Variants in ACTR3B observed in about 807,000 individuals in gnomAD.
ACTR3B encodes the protein actin related protein 3B.
A neutral mutation model predicts 59.0 loss-of-function variants in ACTR3B; 8 were observed. The ratio of observed to expected loss-of-function variants is 0.14; its 90% CI spans 0.08 to 0.24. ACTR3B has a LOEUF of 0.24. Ranked by LOEUF, ACTR3B falls within the 10% of genes least tolerant of loss-of-function variation. The pLI is 1.00. For missense variants in ACTR3B, 245 were observed against 552.3 expected (o/e 0.44, Z 5.58); for synonymous variants, 148 against 197.9 (o/e 0.75, Z 2.12).
At chr7:152,803,223 T>C (rs1408435617) in intron 4 of ACTR3B, among the ~76,000 whole-genome samples, 3 of 152,046 alleles carry the variant, frequency 2.0e-5, no homozygotes, top group Admixed American at 6.6e-5. Context: ...TTTTAAAAAT[T>C]TTTTTGTGGA....
intron 1 of ACTR3B, 25 bp downstream of exon 1, chr7:152,759,951 C>A: frequency 1.5e-6 from 2 of 1,347,094 alleles, no homozygotes; most frequent in South Asian, 3.4e-5. Flanking sequence ...GCGCCCACCC[C>A]CGCTCCTCCG....
chr7:152,769,846 T>G (rs2098119870), intron 1 of ACTR3B, among the ~76,000 whole-genome samples: 1 of 150,604 alleles, frequency 6.6e-6, no homozygotes. Context: ...TCTCTCCCTT[T>G]CTCCGTTTCA....
intron 9 of ACTR3B, among the ~76,000 whole-genome samples, chr7:152,849,638 G>A (rs1413124170): frequency 1.3e-5 from 2 of 152,194 alleles, no homozygotes; most frequent in Non-Finnish European, 2.9e-5. Context: ...AAAAGGTCCT[G>A]TGCATAATGT....
intron 4 of ACTR3B, chr7:152,813,413 G>A (rs1795428762): frequency 6.6e-6 from 1 of 152,092 alleles, no homozygotes; most frequent in East Asian, 1.9e-4. Flanking sequence ...TCTGTTGTCT[G>A]TCATTTTGTC....
chr7:152,786,969 T>C (rs1590248069), intron 2 of ACTR3B, among the ~76,000 whole-genome samples: 1 of 152,220 alleles, frequency 6.6e-6, no homozygotes, highest in Non-Finnish European at 1.5e-5. Context: ...TTTTCACAGT[T>C]CTCTGTTATA....
chr7:152,831,076 A>T (rs1304712471), intron 9 of ACTR3B, among the ~76,000 whole-genome samples: 1 of 152,214 alleles, frequency 6.6e-6, no homozygotes, highest in East Asian at 1.9e-4. Flanking sequence ...TTTTAGCCCC[A>T]GTTCCACACT....
At chr7:152,794,363 G>A (rs1437591399) in intron 2 of ACTR3B, among the ~76,000 whole-genome samples, 2 of 152,006 alleles carry the variant, frequency 1.3e-5, no homozygotes, top group Non-Finnish European at 2.9e-5. Flanking sequence ...GACTACAGGT[G>A]CGCACCACCA....
intron 1 of ACTR3B, among the ~76,000 whole-genome samples, chr7:152,782,281 G>A (rs2098156646): frequency 6.7e-6 from 1 of 148,562 alleles, no homozygotes; most frequent in South Asian, 2.1e-4. Flanking sequence ...CAGAATGACG[G>A]CTTGGTTGTC....
chr7:152,818,596 A>G (rs1003470051), intron 6 of ACTR3B, among the ~76,000 whole-genome samples: 1 of 152,154 alleles, frequency 6.6e-6, no homozygotes, highest in African/African-American at 2.4e-5. Flanking sequence ...GATTACAGGC[A>G]TGCGCCACCA....
At chr7:152,817,841 A>T (rs1328108204) in intron 6 of ACTR3B, among the ~76,000 whole-genome samples, 1 of 152,244 alleles carries the variant, frequency 6.6e-6, no homozygotes, top group Non-Finnish European at 1.5e-5. Flanking sequence ...GGGGTGACGT[A>T]CTAATACCAA....
At chr7:152,840,504 C>T (rs1448564854) in intron 9 of ACTR3B, among the ~76,000 whole-genome samples, 6 of 151,994 alleles carry the variant, frequency 3.9e-5, no homozygotes, top group African/African-American at 7.2e-5. Flanking sequence ...CACCAGACAG[C>T]GGGGGGAGTG....
intron 1 of ACTR3B, among the ~76,000 whole-genome samples, chr7:152,774,119 A>C (rs1290931897): frequency 6.6e-6 from 1 of 152,018 alleles, no homozygotes; most frequent in Non-Finnish European, 1.5e-5. Flanking sequence ...CTCATGGTTT[A>C]ATATTGCTTT....
intron 1 of ACTR3B, among the ~76,000 whole-genome samples, chr7:152,766,295 A>G (rs556547483): frequency 6.6e-6 from 1 of 152,326 alleles, no homozygotes; most frequent in South Asian, 2.1e-4. Flanking sequence ...CACGTGTGCA[A>G]TGCTCCGTAC....
intron 4 of ACTR3B, among the ~76,000 whole-genome samples, chr7:152,809,613 C>T (rs1415336317): frequency 3.3e-5 from 5 of 151,848 alleles, no homozygotes; most frequent in Admixed American, 6.6e-5. Context: ...ACGATCTCAG[C>T]TCACCGCAAC....
intron 7 of ACTR3B, among the ~76,000 whole-genome samples, chr7:152,821,269 C>A (rs1254703215): frequency 1.3e-5 from 2 of 152,008 alleles, no homozygotes; most frequent in African/African-American, 4.8e-5. Flanking sequence ...GCCTTTCCTC[C>A]ATGGAAGAAT....
At position 152,844,349 on chromosome 7, in the gene ACTR3B, C is replaced by T. The variant is rs570165505; in HGVS notation, c.952-7777C>T. 5.8e-4 allele frequency among the ~76,000 whole-genome samples: 88 copies of T among 152,172 alleles called. 1 individual carries two copies. The Middle Eastern group carries it at 0.014, about 24-fold the overall frequency. ...CTGAGATTACAGGCATGAGCCGTCA[C>T]GCCAGACCTAAAAAACTTTTTTTTA... On this transcript the variant is annotated intron_variant, in intron 9 of 11. Transcript: ENST00000256001.
At position 152,834,916 on chromosome 7, in the gene ACTR3B, G is replaced by A. The variant is rs536137701; in HGVS notation, c.951+9794G>A. On this transcript the variant is annotated intron_variant, in intron 9 of 11. Transcript: ENST00000256001. ...TTCCAGTTGCAGTTCTGAGTGGGCT[G>A]TGGGAGGGAATGACTGTGGGCTGGT... Among the ~76,000 whole-genome samples, 13 of 152,360 alleles carry A rather than the reference G, an allele frequency of 8.5e-5. No homozygotes were observed. The South Asian group carries it at 2.5e-3, about 29-fold the overall frequency.
chr7:152,801,011 T>A (rs1384975855), intron 3 of ACTR3B, among the ~76,000 whole-genome samples: 1 of 152,310 alleles, frequency 6.6e-6, no homozygotes, highest in Non-Finnish European at 1.5e-5. Flanking sequence ...GCAGACTTTT[T>A]TTTTTTAAAG....
rs528707734 is a variant in ACTR3B, at chr7:152,809,419, C to T, written c.337-5131C>T. On this transcript the variant is annotated intron_variant, in intron 4 of 11. Transcript: ENST00000256001. Reference sequence around the variant, plus strand: ...AGATTTCTAGGGAGCGTGCCCCCCTCGCCTCTTTCCTGCCTAGAGGAAGCC... The same window carrying T: ...AGATTTCTAGGGAGCGTGCCCCCCTTGCCTCTTTCCTGCCTAGAGGAAGCC... 1.5e-4 allele frequency among the ~76,000 whole-genome samples: 23 copies of T among 152,226 alleles called. No homozygotes were observed. In the South Asian group the frequency reaches 2.9e-3, roughly 19 times the overall value.
Sources: gnomAD v4.1 joint callset for allele counts (sites outside exome capture counted in the v4.1 genomes callset) on GRCh38, gnomAD v4.1.1 for gene constraint, MANE v1.5 for transcripts, NCBI Gene and HGNC (gene_info 2026-07-23, HGNC 2026-07-21) for gene names.